PCDH11X: variants seen among roughly 807,000 people sequenced by gnomAD.
PCDH11X encodes protocadherin 11 X-linked.
In PCDH11X, 18 loss-of-function variants were observed where a neutral mutation model predicts 53.3. The observed-to-expected ratio is 0.34, with a 90% CI of 0.23 to 0.50. The LOEUF (loss-of-function observed/expected upper bound fraction) is 0.50, where lower values mean the gene tolerates loss of function less well. Ranked by LOEUF, PCDH11X falls within the 20% of genes least tolerant of loss-of-function variation. The pLI is 0.98. For missense variants in PCDH11X, 570 were observed against 1,032.4 expected (o/e 0.55, Z 6.14); for synonymous variants, 279 against 393.3 (o/e 0.71, Z 3.44).
At chrX:92,384,179 T>C (rs2070960049) in intron 8 of PCDH11X, among the ~76,000 whole-genome samples, 1 of 111,653 alleles carries the variant, frequency 9.0e-6, no homozygotes, top group Non-Finnish European at 1.9e-5. Flanking sequence ...TTGTTTGTTT[T>C]TTTCTTGTAA....
At chrX:91,989,678 A>G (rs780585201) in intron 6 of PCDH11X, among the ~76,000 whole-genome samples, 391 of 110,765 alleles carry the variant, frequency 3.5e-3, no homozygotes, top group Middle Eastern at 9.1e-3. Flanking sequence ...GTTATGAAAA[A>G]AAATGGTTGT....
At chrX:91,871,935 T>C (rs772141874) in intron 5 of PCDH11X, among the ~76,000 whole-genome samples, 3 of 111,419 alleles carry the variant, frequency 2.7e-5, no homozygotes, top group African/African-American at 6.5e-5. Flanking sequence ...CCATGCATTT[T>C]TCATGACCTC....
chrX:92,514,675 G>A lies in PCDH11X; in HGVS notation c.3367+46353G>A, dbSNP rs192267852. ...AAACCCGGGAGGTGGAGGTTGCAGTGAGCCAAGATCTCCCCACTGCACTCC... is the reference window on the plus strand; with the variant it reads ...AAACCCGGGAGGTGGAGGTTGCAGTAAGCCAAGATCTCCCCACTGCACTCC... On this transcript the variant is annotated intron_variant, in intron 10 of 10. Coordinates refer to ENST00000682573, the MANE Select transcript of PCDH11X (RefSeq NM_032968.5). Among the ~76,000 whole-genome samples the A allele has an allele frequency of 4.3e-3, 469 of 109,545 alleles. 2 individuals carry two copies. Among genetic ancestry groups the A allele is most frequent in the African/African-American group, 0.015 (449 of 30,050 alleles).
In PCDH11X at chrX:92,354,967, A is replaced by G. The variant is rs770743053; in HGVS notation, c.3145-32768A>G. Reference sequence around the variant, plus strand: ...GAGAAACAGCAAAATGTTGTGAACAATAGCAGCATCGTTGAAATAAATAGT... The same window carrying G: ...GAGAAACAGCAAAATGTTGTGAACAGTAGCAGCATCGTTGAAATAAATAGT... On this transcript the variant is annotated intron_variant, in intron 8 of 10. Transcript: ENST00000682573. Among the ~76,000 whole-genome samples, 3 of 110,337 alleles carry G rather than the reference A, an allele frequency of 2.7e-5. No individual in the cohort carries two copies. The South Asian group carries it at 1.2e-3, about 43-fold the overall frequency.
chrX:92,355,417 C>CAAAAAAAAAAAAAAAAAAAAAAAAAA (rs57339128), intron 8 of PCDH11X, among the ~76,000 whole-genome samples: 1 of 23,588 alleles, frequency 4.2e-5, no homozygotes, highest in African/African-American at 2.8e-4. Context: ...GACTCCGTCT[C>CAAAAAAAAAAAAAAAAAAAAAAAAAA]AAAAAAAAAA....
intron 7 of PCDH11X, among the ~76,000 whole-genome samples, chrX:92,205,757 T>G (rs771530837): frequency 9.1e-6 from 1 of 110,182 alleles, no homozygotes; most frequent in Non-Finnish European, 1.9e-5. Context: ...CCTGCCACCA[T>G]GTCCAGCTAA....
intron 7 of PCDH11X, among the ~76,000 whole-genome samples, chrX:92,215,641 AAGAC>A (rs1431131046): frequency 1.2e-5 from 1 of 86,021 alleles, no homozygotes; most frequent in African/African-American, 4.1e-5. Flanking sequence ...GACAAACAAA[AAGAC>A]AGCAGTAACC....
At chrX:91,909,237 G>A (rs1252108154) in intron 6 of PCDH11X, among the ~76,000 whole-genome samples, 2 of 111,660 alleles carry the variant, frequency 1.8e-5, no homozygotes, top group Non-Finnish European at 3.8e-5. Flanking sequence ...GAAAAAGTGT[G>A]TTTAAAATGG....
At chrX:92,169,157 G>A (rs1401541781) in intron 6 of PCDH11X, among the ~76,000 whole-genome samples, 2 of 95,405 alleles carry the variant, frequency 2.1e-5, no homozygotes, top group Non-Finnish European at 4.4e-5. Flanking sequence ...GACAAAACCC[G>A]AGGTTTTTAA....
At chrX:92,342,812 G>T (rs1357414178) in intron 8 of PCDH11X, among the ~76,000 whole-genome samples, 1 of 110,569 alleles carries the variant, frequency 9.0e-6, no homozygotes, top group East Asian at 2.8e-4. Flanking sequence ...ATATACCTTG[G>T]TAGGAAACCT....
chrX:92,211,704 G>A (rs894403157), intron 7 of PCDH11X, among the ~76,000 whole-genome samples: 6 of 111,615 alleles, frequency 5.4e-5, no homozygotes, highest in Non-Finnish European at 1.1e-4. Flanking sequence ...TGGCTAATCA[G>A]TTTTCATAAA....
At chrX:92,323,005 A>G (rs1243293064) in intron 8 of PCDH11X, among the ~76,000 whole-genome samples, 1 of 111,840 alleles carries the variant, frequency 8.9e-6, no homozygotes, top group Non-Finnish European at 1.9e-5. Flanking sequence ...ATTTACAGCT[A>G]CTTCCTTTAG....
chrX:92,553,472 A>T (rs1377057273), intron 10 of PCDH11X, among the ~76,000 whole-genome samples: 4 of 109,512 alleles, frequency 3.7e-5, no homozygotes, highest in Non-Finnish European at 7.6e-5. Context: ...CTCTTTTTTT[A>T]TTAGTCAGTC....
At chrX:92,236,777 CT>C (rs1180189101) in intron 7 of PCDH11X, among the ~76,000 whole-genome samples, 1 of 110,872 alleles carries the variant, frequency 9.0e-6, no homozygotes, top group Non-Finnish European at 1.9e-5. Context: ...ATCCTTTTAT[CT>C]GGTTAATATG....
chrX:92,216,634 C>T (rs2066721120), intron 7 of PCDH11X, among the ~76,000 whole-genome samples: 1 of 90,343 alleles, frequency 1.1e-5, no homozygotes, highest in Non-Finnish European at 2.2e-5. Flanking sequence ...CTCTGCAGGA[C>T]ATTATTCAGG....
intron 6 of PCDH11X, among the ~76,000 whole-genome samples, chrX:92,082,889 T>TAAGAATACAA (rs200013734): frequency 8.9e-4 from 98 of 110,243 alleles, no homozygotes; most frequent in Admixed American, 1.8e-3. Context: ...TACAAATATT[T>TAAGAATACAA]AAATTTAAGT....
chrX:92,276,342 G>A (rs1569451721), intron 8 of PCDH11X, among the ~76,000 whole-genome samples: 1 of 108,223 alleles, frequency 9.2e-6, no homozygotes, highest in Non-Finnish European at 1.9e-5. Flanking sequence ...TAGCCATTAA[G>A]CCAAGAAGGA....
At chrX:92,591,464 C>T (rs1200015372) in intron 10 of PCDH11X, among the ~76,000 whole-genome samples, 2 of 110,479 alleles carry the variant, frequency 1.8e-5, no homozygotes, top group Non-Finnish European at 3.8e-5. Context: ...GCCATTCTGT[C>T]ATAAAGAGGG....
chrX:92,253,696 T>C (rs943170559), intron 7 of PCDH11X, among the ~76,000 whole-genome samples: 2 of 111,770 alleles, frequency 1.8e-5, no homozygotes, highest in African/African-American at 6.5e-5. Context: ...TTTTTATGTG[T>C]GGCTATTGTA....
Sources: allele counts gnomAD v4.1 joint callset (sites outside exome capture counted in the v4.1 genomes callset), GRCh38; gene constraint gnomAD v4.1.1; transcripts MANE v1.5; gene names NCBI Gene and HGNC (gene_info 2026-07-23, HGNC 2026-07-21).